Variants in NLRC4 observed in about 807,000 individuals in gnomAD.
The protein encoded by NLRC4 is NLR family CARD domain containing 4, also known as NLR family CARD domain-containing protein 4.
A neutral mutation model predicts 79.9 loss-of-function variants in NLRC4; 63 were observed. The ratio of observed to expected loss-of-function variants is 0.79; its 90% CI spans 0.64 to 0.97. The LOEUF is 0.97. Ranked by LOEUF, NLRC4 falls within the 50% of genes least tolerant of loss-of-function variation. NLRC4 has a pLI of 0.00. For synonymous variants in NLRC4, 461 were observed against 456.5 expected (o/e 1.01, Z -0.12); for missense variants, 1,074 against 1,215.2 (o/e 0.88, Z 1.73).
At chr2:32,252,782 G>A in intron 2 of NLRC4, 103 bp from the exon 3 acceptor site, 2 of 881,382 alleles carry the variant, frequency 2.3e-6, no homozygotes, top group South Asian at 3.2e-5. Flanking sequence ...ACTTTGGGAG[G>A]CCGAGGCGGG....
At chr2:32,230,391 C>G (rs891595359) in intron 8 of NLRC4, among the ~76,000 whole-genome samples, 14 of 151,974 alleles carry the variant, frequency 9.2e-5, no homozygotes, top group African/African-American at 3.4e-4. Context: ...TGGTGCCATC[C>G]TGACCTCAGG....
chr2:32,237,145 T>G (rs931515395), intron 6 of NLRC4, among the ~76,000 whole-genome samples: 2 of 152,232 alleles, frequency 1.3e-5, no homozygotes, highest in Non-Finnish European at 2.9e-5. Context: ...TCACATATTA[T>G]CACTCTTGCT....
In NLRC4 at chr2:32,235,527, G is replaced by A. The variant is rs768054051; in HGVS notation, c.2656C>T (p.Leu886=). 13 of 1,614,076 alleles carry A rather than the reference G, an allele frequency of 8.1e-6. No individual in the cohort carries two copies. Among genetic ancestry groups the A allele is most frequent in the Non-Finnish European group, 1.1e-5 (13 of 1,180,022 alleles). ...NVLEQLTALM[L]PWGCDVQGSL... is the part of the protein sequence containing the mutation. ...CCTTGCACGTCACAGCCCCAGGGCA[G>A]CATCAGTGCGGTGAGCTGTTCTAGC... The change falls in exon 8 of 9, where the codon CTG becomes TTG. Residue 886 remains leucine (L), a synonymous_variant. Transcript: ENST00000402280.
At chr2:32,244,987 C>A (rs372481425) in intron 4 of NLRC4, among the ~76,000 whole-genome samples, 16 of 151,554 alleles carry the variant, frequency 1.1e-4, no homozygotes, top group Non-Finnish European at 2.4e-4. Flanking sequence ...GTGGTCCCAG[C>A]GACTTAGGAG....
intron 2 of NLRC4, among the ~76,000 whole-genome samples, chr2:32,253,563 A>C (rs184526334): frequency 5.7e-4 from 87 of 152,322 alleles, no homozygotes; most frequent in Admixed American, 9.1e-4. Flanking sequence ...GTGAGGTTGT[A>C]GTTGTAAGAC....
intron 1 of NLRC4, among the ~76,000 whole-genome samples, chr2:32,261,758 CTG>C (rs1217380164): frequency 6.6e-6 from 1 of 152,032 alleles, no homozygotes; most frequent in Non-Finnish European, 1.5e-5. Context: ...TATGTTAAAA[CTG>C]ATTCATTAAC....
intron 4 of NLRC4, among the ~76,000 whole-genome samples, chr2:32,249,161 T>C (rs1041051627): frequency 2.0e-5 from 3 of 152,164 alleles, no homozygotes; most frequent in Admixed American, 1.3e-4. Context: ...ATTGGAAGAA[T>C]TGTCTTGGGC....
At chr2:32,241,927 A>C (rs1251820521) in intron 4 of NLRC4, among the ~76,000 whole-genome samples, 1 of 152,216 alleles carries the variant, frequency 6.6e-6, no homozygotes, top group Non-Finnish European at 1.5e-5. Context: ...AAGGCCTCAA[A>C]TCAACAACCT....
At chr2:32,265,088 C>T (rs1351320479), upstream of NLRC4, among the ~76,000 whole-genome samples, 4 of 152,206 alleles carry the variant, frequency 2.6e-5, no homozygotes, top group Admixed American at 2.6e-4. Flanking sequence ...TTGTTCACAA[C>T]ATATGAATTC....
rs538012119 is a variant in NLRC4 at position 32,251,676 on chromosome 2, C to CG, written c.263-76dup. 310 of 999,824 alleles carry CG rather than the reference C, an allele frequency of 3.1e-4. 1 individual carries two copies. In the African/African-American group the frequency reaches 4.1e-3, roughly 13 times the overall value. 61.9% of individuals were successfully genotyped at this position (999,824 alleles called of 1,614,324 possible). A position where few individuals can be genotyped will look rare whatever the true frequency, so the allele number is the denominator to read the frequency against. ...AAAACCTAGAGTTCAGGAGGATGAACGGGGGGGTGAGGCTGAGAATCTGCC... is the reference window on the plus strand; with the variant it reads ...AAAACCTAGAGTTCAGGAGGATGAACGGGGGGGGTGAGGCTGAGAATCTGCC... On this transcript the variant is annotated intron_variant, in intron 3 of 8. Coordinates refer to ENST00000402280, the MANE Select transcript of NLRC4 (RefSeq NM_001199138.2).
rs1573490146 is a variant in NLRC4, at chr2:32,248,290, A to T, written c.2257+1317T>A. 1.3e-5 allele frequency among the ~76,000 whole-genome samples: 2 copies of T among 152,212 alleles called. 1 individual carries two copies. The highest frequency in any genetic ancestry group is 4.2e-4 in the South Asian group (2 of 4,816). On this transcript the variant is annotated intron_variant, in intron 4 of 8. Coordinates refer to ENST00000402280, the MANE Select transcript of NLRC4 (RefSeq NM_001199138.2). The stretch of plus-strand genomic sequence containing the variant: ...AATGCATCCCCTCTGGGCTAAGGAG[A>T]CCCCAGAAAAAAACCTTAAACTCAG...
rs2148942750 is a variant in NLRC4, at chr2:32,251,009, C to T, written c.855G>A (p.Arg285=). ...VIVTTTTECL[R]HIRQFGALTA... ...TCAGGGCACCAAACTGCCGTATGTG[C>T]CTCAGGCACTCAGTGGTAGTGGTGA... is the stretch of plus-strand genomic sequence containing the variant. The change falls in exon 4 of 9, where the codon AGG becomes AGA. Residue 285 remains arginine, a synonymous_variant. Coordinates refer to ENST00000402280, the MANE Select transcript of NLRC4 (RefSeq NM_001199138.2). 1 of 1,614,168 alleles carries T rather than the reference C, an allele frequency of 6.2e-7. No homozygotes were observed. The highest frequency in any genetic ancestry group is 8.5e-7 in the Non-Finnish European group (1 of 1,180,022).
rs989100389 is a variant in NLRC4, at chr2:32,235,432, C to A, written c.2751G>T (p.Trp917Cys). The A allele has an allele frequency of 3.7e-6, 6 of 1,614,092 alleles. 1 individual carries two copies. In the South Asian group the frequency reaches 4.4e-5, roughly 12 times the overall value. Residue 917 changes from tryptophan (W) to cysteine (C), a missense_variant, in exon 8 of 9, where the codon TGG (tryptophan) becomes TGT (cysteine). By Grantham distance (215) the Trp-to-Cys change is radical. Coordinates refer to ENST00000402280, the MANE Select transcript of NLRC4 (RefSeq NM_001199138.2). ...PQLVKLGLKNWRLTDTEIRIL... is the reference protein window; with the variant it reads ...PQLVKLGLKNCRLTDTEIRIL... ...TTCTAATCTCTGTATCTGTGAGTCT[C>A]CAGTTTTTCAACCCAAGCTTGACGA...
At chr2:32,245,982 G>A (rs1398630909) in intron 4 of NLRC4, among the ~76,000 whole-genome samples, 2 of 152,124 alleles carry the variant, frequency 1.3e-5, no homozygotes, top group East Asian at 3.9e-4. Flanking sequence ...TTGGGAGTTT[G>A]AAACCAGCCT....
chr2:32,253,673 A>G (rs1687137513), intron 2 of NLRC4, among the ~76,000 whole-genome samples: 2 of 151,820 alleles, frequency 1.3e-5, no homozygotes, highest in Non-Finnish European at 2.9e-5. Flanking sequence ...TATTTCAATT[A>G]CGTGCTGCTG....
intron 2 of NLRC4, among the ~76,000 whole-genome samples, chr2:32,253,687 G>A (rs1304174180): frequency 2.0e-5 from 3 of 151,902 alleles, no homozygotes; most frequent in East Asian, 2.0e-4. Context: ...GCTGCTGGCC[G>A]GGTGCGGTGG....
At chr2:32,252,080 C>T (rs1316379686) in intron 3 of NLRC4, among the ~76,000 whole-genome samples, 2 of 152,206 alleles carry the variant, frequency 1.3e-5, no homozygotes, top group African/African-American at 2.4e-5. Flanking sequence ...TCAGCTGGGC[C>T]TCTCTCCCAT....
In NLRC4 at chr2:32,242,253, A is replaced by C. The variant is rs567002456; in HGVS notation, c.2258-1128T>G. 3.7e-3 allele frequency among the ~76,000 whole-genome samples: 561 copies of C among 152,326 alleles called. 1 individual carries two copies. The highest frequency in any genetic ancestry group is 5.2e-3 in the Non-Finnish European group (352 of 68,036). On this transcript the variant is annotated intron_variant, in intron 4 of 8. Transcript: ENST00000402280. ...GTTGGATCTTTGAAAAGATCAATAA[A>C]ATTTAAAAATTTCTACCAAGACTGA... is the stretch of plus-strand genomic sequence containing the variant.
At chr2:32,231,572 T>C (rs1573469874) in intron 8 of NLRC4, among the ~76,000 whole-genome samples, 2 of 59,454 alleles carry the variant, frequency 3.4e-5, no homozygotes, top group Admixed American at 2.0e-4. Flanking sequence ...TATTTTTTTT[T>C]GTGGGGGGGG....
Sources: allele counts gnomAD v4.1 joint callset (sites outside exome capture counted in the v4.1 genomes callset), GRCh38; gene constraint gnomAD v4.1.1; transcripts MANE v1.5; gene names NCBI Gene and HGNC (gene_info 2026-07-23, HGNC 2026-07-21).